Variants in XKR9 observed in about 807,000 individuals in gnomAD.
XKR9 encodes the protein XK-related protein 9.
A neutral mutation model predicts 32.0 loss-of-function variants in XKR9; 32 were observed. The ratio of observed to expected loss-of-function variants is 1.00; its 90% CI spans 0.76 to 1.34. The LOEUF (loss-of-function observed/expected upper bound fraction) is 1.34. XKR9 is among the 40% of genes most tolerant of loss of function. The pLI is 0.00. For synonymous variants in XKR9, 168 were observed against 143.4 expected (o/e 1.17, Z -1.22); for missense variants, 546 against 429.7 (o/e 1.27, Z -2.39).
At chr8:70,710,025 A>G (rs191841151) in intron 4 of XKR9, among the ~76,000 whole-genome samples, 26 of 152,356 alleles carry the variant, frequency 1.7e-4, no homozygotes, top group African/African-American at 4.3e-4. Flanking sequence ...GCATCACACT[A>G]TCTGACTTCA....
At chr8:70,710,822 AACTAT>A (rs1805893541) in intron 4 of XKR9, among the ~76,000 whole-genome samples, 2 of 152,208 alleles carry the variant, frequency 1.3e-5, no homozygotes, top group African/African-American at 4.8e-5. Flanking sequence ...TGGCAAAAGA[AACTAT>A]CAGCAGAGTA....
chr8:70,740,469 G>A (rs1303384884), downstream of XKR9, among the ~76,000 whole-genome samples: 1 of 152,152 alleles, frequency 6.6e-6, no homozygotes, highest in Admixed American at 6.5e-5. Flanking sequence ...CTCTCAACTC[G>A]TCAAAGTCAT....
At chr8:70,794,191 G>T (rs549241478), downstream of XKR9, among the ~76,000 whole-genome samples, 161 of 151,872 alleles carry the variant, frequency 1.1e-3, no homozygotes, top group African/African-American at 3.8e-3. Context: ...ACTTATTTTT[G>T]CATACTGGCC....
At chr8:70,783,601 G>C (rs556640412) in intron 2 of XKR9, among the ~76,000 whole-genome samples, 155 of 151,902 alleles carry the variant, frequency 1.0e-3, no homozygotes, top group Non-Finnish European at 1.8e-3. Flanking sequence ...GTATATTTTG[G>C]ATATTAACCA....
At chr8:70,787,592 G>A (rs935350939) in intron 2 of XKR9, among the ~76,000 whole-genome samples, 13 of 152,162 alleles carry the variant, frequency 8.5e-5, no homozygotes, top group East Asian at 3.9e-4. Context: ...ATAAACTTAC[G>A]TAACAGTGCT....
the XKR9 span, among the ~76,000 whole-genome samples, chr8:70,891,209 G>T: frequency 8.6e-5 from 13 of 151,294 alleles, no homozygotes; most frequent in African/African-American, 2.9e-4. Context: ...CTAGTGAAAG[G>T]TTTCATGCTT....
the XKR9 span, among the ~76,000 whole-genome samples, chr8:70,947,244 G>A: frequency 2.0e-5 from 3 of 152,190 alleles, no homozygotes; most frequent in Non-Finnish European, 2.9e-5. Context: ...GCTAATAAGC[G>A]ATGATTTTAG....
intron 2 of XKR9, among the ~76,000 whole-genome samples, chr8:70,741,058 C>G (rs1321818564): frequency 6.6e-6 from 1 of 152,350 alleles, no homozygotes; most frequent in Non-Finnish European, 1.5e-5. Context: ...TTTGTCTGTG[C>G]CCTGCCCCCA....
the XKR9 span, among the ~76,000 whole-genome samples, chr8:70,892,050 G>A: frequency 6.6e-6 from 1 of 151,916 alleles, no homozygotes; most frequent in Admixed American, 6.6e-5. Flanking sequence ...CTTAAAGTCT[G>A]TTTTATCCAA....
the XKR9 span, among the ~76,000 whole-genome samples, chr8:70,844,969 G>A: frequency 6.6e-6 from 1 of 152,200 alleles, no homozygotes. Flanking sequence ...GCTCTCCAGA[G>A]GCACAATAAT....
At chr8:70,698,030 ATCCCCTT>A (rs1420860611) in intron 3 of XKR9, among the ~76,000 whole-genome samples, 1 of 150,670 alleles carries the variant, frequency 6.6e-6, no homozygotes, top group Admixed American at 6.6e-5. Flanking sequence ...CGGTGGTGAT[ATCCCCTT>A]TATCATTTTT....
chr8:70,781,475 A>G (rs1807615564), intron 2 of XKR9, among the ~76,000 whole-genome samples: 1 of 151,102 alleles, frequency 6.6e-6, no homozygotes. Flanking sequence ...GCAATGTGTG[A>G]TGGTCAAATC....
At chr8:70,908,667 CAAAT>C in the XKR9 span, among the ~76,000 whole-genome samples, 3 of 152,210 alleles carry the variant, frequency 2.0e-5, no homozygotes, top group Non-Finnish European at 4.4e-5. Flanking sequence ...ACTATGTAAA[CAAAT>C]GAGTGTGGCT....
the XKR9 span, among the ~76,000 whole-genome samples, chr8:70,927,073 A>G: frequency 6.6e-6 from 1 of 152,154 alleles, no homozygotes; most frequent in African/African-American, 2.4e-5. Context: ...AATGTATCTT[A>G]TACATAAATA....
chr8:71,020,556 C>T, the XKR9 span, among the ~76,000 whole-genome samples: 17 of 152,256 alleles, frequency 1.1e-4, no homozygotes, highest in East Asian at 3.3e-3. Context: ...AGATAGAACA[C>T]AACATCATCA....
the XKR9 span, among the ~76,000 whole-genome samples, chr8:70,966,874 T>A: frequency 6.6e-6 from 1 of 152,110 alleles, no homozygotes; most frequent in African/African-American, 2.4e-5. Context: ...CATTATGTAA[T>A]GCCCTTCTTT....
intron 2 of XKR9, among the ~76,000 whole-genome samples, chr8:70,770,614 G>A (rs1276348265): frequency 1.3e-5 from 2 of 152,236 alleles, no homozygotes; most frequent in East Asian, 3.9e-4. Flanking sequence ...GCCCTGCCCA[G>A]AGAGGAGGAA....
intron 2 of XKR9, among the ~76,000 whole-genome samples, chr8:70,759,174 G>T (rs392520): frequency 6.6e-6 from 1 of 152,180 alleles, no homozygotes; most frequent in Non-Finnish European, 1.5e-5. Flanking sequence ...TGTTTTGCTA[G>T]AATTTTCTTG....
the XKR9 span, among the ~76,000 whole-genome samples, chr8:71,003,851 C>T: frequency 6.6e-6 from 1 of 152,166 alleles, no homozygotes; most frequent in Non-Finnish European, 1.5e-5. Flanking sequence ...AAGTAATGTC[C>T]TCAGGAGTAT....
Sources: allele counts gnomAD v4.1 joint callset (sites outside exome capture counted in the v4.1 genomes callset), GRCh38; gene constraint gnomAD v4.1.1; transcripts MANE v1.5; gene names NCBI Gene and HGNC (gene_info 2026-07-23, HGNC 2026-07-21).